PUS10: variants seen among roughly 807,000 people sequenced by gnomAD.
PUS10 encodes pseudouridine synthase 10, also known as tRNA pseudouridine synthase Pus10.
Under a neutral mutation model 75.0 loss-of-function variants are expected in PUS10, and 59 were observed. The observed-to-expected ratio is 0.79, with a 90% CI of 0.64 to 0.98. PUS10 has a LOEUF of 0.98. Among genes scored for constraint, PUS10 ranks in the 50% least tolerant of loss-of-function variants. The probability of loss-of-function intolerance (pLI) is 0.00; values close to 1 mark genes in which losing one functional copy is unlikely to be tolerated. For missense variants in PUS10, 650 were observed against 614.4 expected (o/e 1.06, Z -0.61); for synonymous variants, 219 against 211.6 (o/e 1.03, Z -0.30).
At chr2:60,992,196 AGTAGAGACGG>A (rs1263098127) in intron 4 of PUS10, among the ~76,000 whole-genome samples, 9 of 152,074 alleles carry the variant, frequency 5.9e-5, no homozygotes, top group African/African-American at 1.7e-4. Context: ...TTACATTTTT[AGTAGAGACGG>A]GTTTTCGCCA....
intron 4 of PUS10, among the ~76,000 whole-genome samples, chr2:60,997,034 G>A (rs193068240): frequency 7.6e-4 from 116 of 152,266 alleles, no homozygotes; most frequent in Admixed American, 1.4e-3. Flanking sequence ...GATCACCAAG[G>A]TCTCATATAG....
At chr2:60,956,723 C>T (rs755592388) in intron 11 of PUS10, among the ~76,000 whole-genome samples, 135 of 152,076 alleles carry the variant, frequency 8.9e-4, no homozygotes, top group Non-Finnish European at 6.8e-4. Flanking sequence ...CGCCTGTAAT[C>T]CCAGCACTTT....
intron 9 of PUS10, among the ~76,000 whole-genome samples, chr2:60,962,132 A>G (rs1421744792): frequency 2.0e-5 from 3 of 152,250 alleles, no homozygotes; most frequent in East Asian, 3.8e-4. Flanking sequence ...GATGAACGAT[A>G]CTAGGAAATA....
At chr2:61,009,828 G>A (rs1679482194) in intron 2 of PUS10, 1 of 152,290 alleles carries the variant, frequency 6.6e-6, no homozygotes, top group Non-Finnish European at 1.5e-5. Context: ...ACTGTAAAGG[G>A]AAAAAATCTT....
At chr2:61,010,518 G>T (rs1453319829) in intron 2 of PUS10, 2 of 256,308 alleles carry the variant, frequency 7.8e-6, no homozygotes, top group Admixed American at 4.7e-5. Context: ...GTAGAGACAG[G>T]GTTTCATCAT....
chr2:60,942,146 A>G lies in PUS10; in HGVS notation c.*249T>C. 2.3e-6 allele frequency: 1 copy of G among 437,858 alleles called. No individual in the cohort carries two copies. Among genetic ancestry groups the G allele is most frequent in the Non-Finnish European group, 4.2e-6 (1 of 240,716 alleles). 27.1% of individuals were successfully genotyped at this position (437,858 alleles called of 1,614,324 possible). ...TAAGGAGAATTATTTCATTATTCAT[A>G]GTTTGGTTTGTGGGGGTGAAAGAGG... On this transcript the variant is annotated 3_prime_UTR_variant, in exon 18 of 18. Transcript: ENST00000316752.
Position 61,006,596 on chromosome 2 carries a change from T to C in PUS10, c.429A>G (p.Val143=). 1 of 1,613,648 alleles carries C rather than the reference T, an allele frequency of 6.2e-7. No individual in the cohort carries two copies. The highest frequency in any genetic ancestry group is 1.1e-5 in the South Asian group (1 of 90,992). ...GTTGTGGTGGGAAGGAGACTGAAAA[T>C]ACCAAGCTGGTGAATTCAAACCCAG... The part of the protein sequence containing the change: ...EASGFEFTSL[V]FSVSFPPQLS... The change falls in exon 4 of 18, where the codon GTA becomes GTG. Residue 143 remains valine (V), a synonymous_variant. Coordinates refer to ENST00000316752, the MANE Select transcript of PUS10 (RefSeq NM_144709.4).
In PUS10 at chr2:61,011,917, AGAAGTAAAACTAAT is replaced by A; in HGVS notation, c.-15-26_-15-13del. 6.3e-7 allele frequency: 1 copy of A among 1,584,490 alleles called. No individual in the cohort carries two copies. Among genetic ancestry groups the A allele is most frequent in the Non-Finnish European group, 8.5e-7 (1 of 1,170,164 alleles). On this transcript the variant is annotated splice_polypyrimidine_tract_variant and intron_variant, in intron 1 of 17. Transcript: ENST00000316752. ...TTGAATAATTATAACTAGAAAGAAA[AGAAGTAAAACTAAT>A]GAGCAGCTTCTGCGTTTTACTGTCA...
chr2:60,975,582 G>A (rs1343308954), intron 4 of PUS10, among the ~76,000 whole-genome samples: 2 of 150,136 alleles, frequency 1.3e-5, no homozygotes, highest in African/African-American at 2.5e-5. Flanking sequence ...AACTTTTCTG[G>A]ATGCCTAAAG....
intron 10 of PUS10, 115 bp downstream of exon 10, chr2:60,961,348 A>T: frequency 1.2e-6 from 1 of 820,176 alleles, no homozygotes. Context: ...TCAAGAGAGT[A>T]AACTTATTAG....
intron 4 of PUS10, among the ~76,000 whole-genome samples, chr2:60,983,507 C>T (rs1677534534): frequency 6.6e-6 from 1 of 151,822 alleles, no homozygotes; most frequent in African/African-American, 2.4e-5. Context: ...GGTGAAACCC[C>T]TCTCTACTAA....
chr2:61,007,814 G>A (rs1255862320), intron 3 of PUS10, among the ~76,000 whole-genome samples: 8 of 150,668 alleles, frequency 5.3e-5, no homozygotes, highest in African/African-American at 1.9e-4. Flanking sequence ...GGCCGGGCAC[G>A]GTGGCTCACG....
chr2:61,017,437 A>C (rs1032115240), intron 1 of PUS10: 1 of 253,296 alleles, frequency 3.9e-6, no homozygotes, highest in Admixed American at 5.3e-5. Context: ...CGACTGGTCC[A>C]CTCCCAGAAA....
At chr2:60,998,042 G>A (rs1678594670) in intron 4 of PUS10, among the ~76,000 whole-genome samples, 1 of 152,152 alleles carries the variant, frequency 6.6e-6, no homozygotes, top group Non-Finnish European at 1.5e-5. Context: ...AAAGATGACA[G>A]CTCATGCCTG....
chr2:60,960,362 AAAG>A, intron 11 of PUS10, 27 bp downstream of exon 11: 1 of 1,465,136 alleles, frequency 6.8e-7, no homozygotes, highest in South Asian at 1.4e-5. Flanking sequence ...AAAAAAAAAG[AAAG>A]AAAAGTATGA....
chr2:61,007,808 G>T (rs1002240149), intron 3 of PUS10, among the ~76,000 whole-genome samples: 4 of 150,948 alleles, frequency 2.6e-5, no homozygotes, highest in Non-Finnish European at 4.4e-5. Flanking sequence ...GAATTTGGCC[G>T]GGCACGGTGG....
In PUS10 at chr2:61,011,831, A is replaced by G. The variant is rs760314954; in HGVS notation, c.60T>C (p.Thr20=). ...AGAATCTGAAGATACATCTTGGACA[A>G]GTACCAGTATTGAGCAACAACTGGG... ...HVAQLLLNTG[T]CPRCIFRFCG... The change falls in exon 2 of 18, where the codon ACT becomes ACC. Residue 20 remains threonine (T), a synonymous_variant. Transcript: ENST00000316752. 7 of 1,611,616 alleles carry G rather than the reference A, an allele frequency of 4.3e-6. No individual in the cohort carries two copies. Among genetic ancestry groups the G allele is most frequent in the South Asian group, 3.3e-5 (3 of 90,812 alleles).
At chr2:60,954,337 A>G (rs1675525087) in intron 12 of PUS10, among the ~76,000 whole-genome samples, 179 bp from the exon 13 acceptor site, 1 of 152,214 alleles carries the variant, frequency 6.6e-6, no homozygotes, top group African/African-American at 2.4e-5. Context: ...GGCTTTTTGC[A>G]GGGCTGCTAA....
At chr2:60,996,067 T>C (rs1317789812) in intron 4 of PUS10, among the ~76,000 whole-genome samples, 3 of 152,190 alleles carry the variant, frequency 2.0e-5, no homozygotes, top group East Asian at 3.8e-4. Flanking sequence ...TATAGTATTG[T>C]GGTGGTCTTT....
Sources: allele counts gnomAD v4.1 joint callset (sites outside exome capture counted in the v4.1 genomes callset), GRCh38; gene constraint gnomAD v4.1.1; transcripts MANE v1.5; gene names NCBI Gene and HGNC (gene_info 2026-07-23, HGNC 2026-07-21).